ERBB4: variants seen among roughly 807,000 people sequenced by gnomAD.
The protein encoded by ERBB4 is erb-b2 receptor tyrosine kinase 4.
A neutral mutation model predicts 158.0 loss-of-function variants in ERBB4; 42 were observed. The observed-to-expected ratio is 0.27, with a 90% CI of 0.21 to 0.34. ERBB4 has a LOEUF of 0.34. Among genes scored for constraint, ERBB4 ranks in the 10% least tolerant of loss-of-function variants. The pLI, the probability that ERBB4 is intolerant of heterozygous loss-of-function variation, is 1.00. For synonymous variants in ERBB4, 583 were observed against 558.7 expected, an observed-to-expected ratio of 1.04 and a Z score of -0.61; for missense variants, 1,333 against 1,624.1, an observed-to-expected ratio of 0.82 and a Z score of 3.08.
intron 3 of ERBB4, among the ~76,000 whole-genome samples, chr2:211,926,313 G>C (rs1434291477): frequency 6.6e-6 from 1 of 152,050 alleles, no homozygotes; most frequent in African/African-American, 2.4e-5. Context: ...ATCTGATTTG[G>C]CAAGAATTTA....
intron 1 of ERBB4, among the ~76,000 whole-genome samples, chr2:212,156,020 G>T (rs1365125138): frequency 2.6e-5 from 4 of 151,960 alleles, no homozygotes; most frequent in African/African-American, 9.7e-5. Context: ...GTTTCTGGAT[G>T]GGGCCCACAG....
chr2:212,348,938 T>C (rs1204161658), intron 1 of ERBB4, among the ~76,000 whole-genome samples: 2 of 152,112 alleles, frequency 1.3e-5, no homozygotes, highest in Admixed American at 6.6e-5. Flanking sequence ...CTCCACTAAA[T>C]TCACATAAAG....
intron 1 of ERBB4, among the ~76,000 whole-genome samples, chr2:212,297,863 ATAC>A (rs751390313): frequency 1.6e-4 from 25 of 151,658 alleles, no homozygotes; most frequent in Admixed American, 5.3e-4. Context: ...CTTCCTCAAA[ATAC>A]TACATGAAAA....
intron 1 of ERBB4, among the ~76,000 whole-genome samples, chr2:212,501,892 T>C (rs1378502717): frequency 6.6e-6 from 1 of 152,110 alleles, no homozygotes; most frequent in Admixed American, 6.6e-5. Flanking sequence ...TCAAAATTTA[T>C]ACATGGCCAA....
intron 3 of ERBB4, among the ~76,000 whole-genome samples, chr2:211,862,336 G>T (rs1208738903): frequency 2.0e-5 from 3 of 151,960 alleles, no homozygotes; most frequent in Non-Finnish European, 2.9e-5. Flanking sequence ...TATAACATCT[G>T]TTTCTTATCA....
intron 2 of ERBB4, among the ~76,000 whole-genome samples, chr2:211,970,053 C>A (rs1271922890): frequency 6.6e-6 from 1 of 152,130 alleles, no homozygotes; most frequent in Non-Finnish European, 1.5e-5. Flanking sequence ...TCCCTCTTAA[C>A]ACTTCCTTAG....
At chr2:211,889,698 GAGAA>G (rs2078912351) in intron 3 of ERBB4, among the ~76,000 whole-genome samples, 1 of 145,940 alleles carries the variant, frequency 6.9e-6, no homozygotes, top group South Asian at 2.1e-4. Flanking sequence ...AACCAATACA[GAGAA>G]GTGCTTAAAG....
At chr2:212,329,976 T>C (rs990360909) in intron 1 of ERBB4, among the ~76,000 whole-genome samples, 5 of 152,092 alleles carry the variant, frequency 3.3e-5, no homozygotes, top group African/African-American at 1.2e-4. Context: ...AAAAACCATC[T>C]GGCTGTAGAT....
intron 20 of ERBB4, among the ~76,000 whole-genome samples, chr2:211,490,793 T>C (rs1365203029): frequency 3.3e-5 from 5 of 152,074 alleles, no homozygotes; most frequent in Non-Finnish European, 7.4e-5. Flanking sequence ...GGCAGTACAG[T>C]TCTATTAAAT....
intron 2 of ERBB4, among the ~76,000 whole-genome samples, chr2:212,111,676 T>A (rs986592330): frequency 4.6e-5 from 7 of 152,048 alleles, no homozygotes; most frequent in Non-Finnish European, 8.8e-5. Flanking sequence ...CTTCCATGAA[T>A]CTTCTTATAA....
chr2:211,763,473 A>G (rs1263597928), intron 4 of ERBB4, among the ~76,000 whole-genome samples: 1 of 152,194 alleles, frequency 6.6e-6, no homozygotes, highest in Non-Finnish European at 1.5e-5. Flanking sequence ...TGGGCTTCTC[A>G]GATTCAATAA....
chr2:212,455,550 T>C (rs1483104695), intron 1 of ERBB4, among the ~76,000 whole-genome samples: 1 of 125,362 alleles, frequency 8.0e-6, no homozygotes. Flanking sequence ...ACACTCTAAA[T>C]TCCTTCACCT....
chr2:211,601,796 G>C (rs1574839175), intron 19 of ERBB4, among the ~76,000 whole-genome samples: 1 of 152,046 alleles, frequency 6.6e-6, no homozygotes, highest in East Asian at 1.9e-4. Flanking sequence ...TGGGAAGACA[G>C]GAAAGAAGGG....
chr2:211,392,593 CA>C lies in ERBB4; in HGVS notation c.3136-4602del, dbSNP rs1473941304. Among the ~76,000 whole-genome samples the C allele has an allele frequency of 4.4e-3, 629 of 144,414 alleles. 9 individuals carry two copies. The highest frequency in any genetic ancestry group is 0.015 in the African/African-American group (612 of 40,314). The allele number at this position is 144,414 out of a possible 152,430, so 94.7% of individuals were successfully genotyped here. A position where few individuals can be genotyped will look rare whatever the true frequency, so the allele number is the denominator to read the frequency against. ...ACACACACACACACACACACACACA[CA>C]CACACACCCCAATAATGACTCTATG... On this transcript the variant is annotated intron_variant, in intron 25 of 27. Coordinates refer to ENST00000342788, the MANE Select transcript of ERBB4 (RefSeq NM_005235.3).
rs1001429501 is a variant in ERBB4, at chr2:211,721,848, C to T, written c.883+545G>A. Among the ~76,000 whole-genome samples the T allele has an allele frequency of 2.0e-5, 3 of 151,892 alleles. No homozygotes were observed. In the South Asian group the frequency reaches 6.2e-4, roughly 32 times the overall value. ...CAAAAATACTGTGGTATAGTAAAAA[C>T]AGAAAGAGGTTTTTGTTTGTTTGTC... On this transcript the variant is annotated intron_variant, in intron 7 of 27. Transcript: ENST00000342788.
chr2:211,741,007 C>T (rs565208253), intron 5 of ERBB4, among the ~76,000 whole-genome samples: 1 of 152,302 alleles, frequency 6.6e-6, no homozygotes, highest in Non-Finnish European at 1.5e-5. Flanking sequence ...TATCTTTCTT[C>T]ATGCTTGCTA....
intron 2 of ERBB4, among the ~76,000 whole-genome samples, chr2:211,985,512 G>T (rs796987475): frequency 6.6e-5 from 10 of 152,070 alleles, no homozygotes; most frequent in African/African-American, 2.2e-4. Flanking sequence ...TCAGTAAAAG[G>T]GTTCATAAGT....
intron 1 of ERBB4, among the ~76,000 whole-genome samples, chr2:212,159,260 T>C (rs981264088): frequency 1.0e-5 from 1 of 96,532 alleles, no homozygotes; most frequent in East Asian, 2.0e-4. Context: ...TGGTGTGTGT[T>C]TTTGTTTTTT....
intron 20 of ERBB4, among the ~76,000 whole-genome samples, chr2:211,445,650 G>A (rs1223669310): frequency 6.6e-6 from 1 of 152,074 alleles, no homozygotes; most frequent in Non-Finnish European, 1.5e-5. Context: ...ATTTGGAAAC[G>A]GGAATATTAG....
Sources: gnomAD v4.1 joint callset for allele counts (sites outside exome capture counted in the v4.1 genomes callset) on GRCh38, gnomAD v4.1.1 for gene constraint, MANE v1.5 for transcripts, NCBI Gene and HGNC (gene_info 2026-07-23, HGNC 2026-07-21) for gene names.